The following DGKB variants were observed in gnomAD, a reference collection of about 807,000 sequenced individuals.
The protein encoded by DGKB is diacylglycerol kinase beta.
In DGKB, 67 loss-of-function variants were observed where a neutral mutation model predicts 114.3. The ratio of observed to expected loss-of-function variants is 0.59; its 90% confidence interval spans 0.48 to 0.72. The LOEUF is 0.72. Ranked by LOEUF, DGKB falls within the 30% of genes least tolerant of loss-of-function variation. The pLI is 0.00. For synonymous variants in DGKB, 398 were observed against 323.1 expected, an observed-to-expected ratio of 1.23 and a Z score of -2.49; for missense variants, 907 against 975.2, an observed-to-expected ratio of 0.93 and a Z score of 0.93.
chr7:14,197,604 T>C lies in DGKB; in HGVS notation c.2123-19453A>G, dbSNP rs369994867. On this transcript the variant is annotated intron_variant, in intron 23 of 25. Coordinates refer to ENST00000402815, the MANE Select transcript of DGKB (RefSeq NM_001350709.2). The stretch of plus-strand genomic sequence containing the variant: ...GGGGGTCATCTGCAGCAAACACTTG[T>C]AAAGGAAAATCGAATTTTAATGTGT... 2.0e-5 allele frequency among the ~76,000 whole-genome samples: 3 copies of C among 152,112 alleles called. No homozygotes were observed. The East Asian group carries it at 5.8e-4, about 29-fold the overall frequency.
chr7:14,814,417 C>G (rs1429267519), intron 2 of DGKB, among the ~76,000 whole-genome samples: 1 of 152,154 alleles, frequency 6.6e-6, no homozygotes, highest in Non-Finnish European at 1.5e-5. Flanking sequence ...CATTACCTCT[C>G]CCTTCTTGCT....
intron 6 of DGKB, among the ~76,000 whole-genome samples, chr7:14,709,803 C>G (rs1272184230): frequency 8.8e-6 from 1 of 114,148 alleles, no homozygotes; most frequent in African/African-American, 3.5e-5. Context: ...ATATCACACT[C>G]TGGGGACTGT....
At position 14,517,533 on chromosome 7, in the gene DGKB, G is replaced by T. The variant is rs1231328798; in HGVS notation, c.1771-39308C>A. Among the ~76,000 whole-genome samples the T allele has an allele frequency of 4.0e-5, 6 of 151,756 alleles. No individual in the cohort carries two copies. In the East Asian group the frequency reaches 1.2e-3, roughly 29 times the overall value. On this transcript the variant is annotated intron_variant, in intron 20 of 25. Transcript: ENST00000402815. ...ACTATCAATAGAGTAACAACCTACA[G>T]ATTGGAAAAAGCTTTTGTAAACTAT...
intron 23 of DGKB, 93 bp downstream of exon 23, chr7:14,338,422 T>C: frequency 1.5e-6 from 1 of 686,960 alleles, no homozygotes; most frequent in East Asian, 2.9e-5. Context: ...AATATATAAA[T>C]TATTATAGTG....
At chr7:14,397,687 TA>T (rs1414982524) in intron 21 of DGKB, among the ~76,000 whole-genome samples, 1 of 152,136 alleles carries the variant, frequency 6.6e-6, no homozygotes, top group Non-Finnish European at 1.5e-5. Context: ...TCCTTTTGAT[TA>T]CTTATTTTTC....
intron 1 of DGKB, among the ~76,000 whole-genome samples, chr7:14,901,970 T>C (rs559044360): frequency 2.8e-4 from 43 of 152,160 alleles, no homozygotes; most frequent in African/African-American, 8.9e-4. Flanking sequence ...GTTCAGCAAG[T>C]GGAGGAGATT....
intron 13 of DGKB, among the ~76,000 whole-genome samples, chr7:14,642,841 T>C (rs1812075173): frequency 6.6e-6 from 1 of 152,242 alleles, no homozygotes; most frequent in Non-Finnish European, 1.5e-5. Flanking sequence ...CATGAATACA[T>C]AATTTCCCAT....
intron 23 of DGKB, among the ~76,000 whole-genome samples, chr7:14,183,975 AGGAAGT>A (rs1783014393): frequency 6.6e-6 from 1 of 152,202 alleles, no homozygotes; most frequent in Non-Finnish European, 1.5e-5. Context: ...TGCCCAACTG[AGGAAGT>A]GGAAAAGGGA....
At chr7:14,957,645 T>G (rs1019022485) in intron 1 of DGKB, among the ~76,000 whole-genome samples, 7 of 152,096 alleles carry the variant, frequency 4.6e-5, no homozygotes, top group Non-Finnish European at 8.8e-5. Context: ...CTTTGTTAAC[T>G]GTTTCTATTT....
chr7:14,149,696 A>C (rs1327217225), intron 25 of DGKB, among the ~76,000 whole-genome samples: 1 of 152,158 alleles, frequency 6.6e-6, no homozygotes. Context: ...TTATCTTGCT[A>C]ATCAGATTGT....
At chr7:14,198,304 A>G (rs113700737) in intron 23 of DGKB, among the ~76,000 whole-genome samples, 70 of 152,240 alleles carry the variant, frequency 4.6e-4, no homozygotes, top group African/African-American at 1.6e-3. Context: ...TTGTCAAGGT[A>G]TGGGAACATC....
At chr7:14,457,636 T>C (rs995113035) in intron 21 of DGKB, among the ~76,000 whole-genome samples, 4 of 152,218 alleles carry the variant, frequency 2.6e-5, no homozygotes, top group African/African-American at 9.6e-5. Context: ...CTTTGACTTT[T>C]AGTTGGTCTG....
intron 22 of DGKB, among the ~76,000 whole-genome samples, chr7:14,344,027 G>C (rs1258637886): frequency 3.4e-5 from 5 of 147,072 alleles, no homozygotes; most frequent in Non-Finnish European, 7.5e-5. Flanking sequence ...TATAACTGTA[G>C]TACATATACA....
chr7:14,319,609 C>T (rs1807344698), intron 23 of DGKB, among the ~76,000 whole-genome samples: 1 of 152,010 alleles, frequency 6.6e-6, no homozygotes, highest in Non-Finnish European at 1.5e-5. Context: ...GATCCTGAGA[C>T]TAAAAGTTTG....
intron 1 of DGKB, among the ~76,000 whole-genome samples, chr7:14,926,363 G>A (rs1413536603): frequency 6.6e-6 from 1 of 151,782 alleles, no homozygotes; most frequent in African/African-American, 2.4e-5. Context: ...GATATATAAT[G>A]AGTCATTTTT....
intron 13 of DGKB, among the ~76,000 whole-genome samples, chr7:14,671,654 C>T (rs185816051): frequency 1.9e-4 from 29 of 152,182 alleles, no homozygotes; most frequent in African/African-American, 2.6e-4. Flanking sequence ...ACCCCAGGCT[C>T]ACTGAATTGA....
At chr7:14,949,167 TA>T (rs552380930) in intron 1 of DGKB, among the ~76,000 whole-genome samples, 4 of 151,696 alleles carry the variant, frequency 2.6e-5, no homozygotes, top group East Asian at 1.9e-4. Flanking sequence ...GAAACATTAA[TA>T]AAAAAATCTA....
intron 20 of DGKB, among the ~76,000 whole-genome samples, chr7:14,530,512 C>A (rs1183561582): frequency 6.6e-6 from 1 of 151,410 alleles, no homozygotes; most frequent in African/African-American, 2.4e-5. Context: ...AAAATTTATA[C>A]CTCCTTTATA....
At chr7:14,246,841 T>A (rs898593112) in intron 23 of DGKB, among the ~76,000 whole-genome samples, 3 of 152,148 alleles carry the variant, frequency 2.0e-5, no homozygotes, top group African/African-American at 7.2e-5. Flanking sequence ...CTCAGCAAAT[T>A]TGAAGTTTAC....
Sources: allele counts gnomAD v4.1 joint callset (sites outside exome capture counted in the v4.1 genomes callset), GRCh38; gene constraint gnomAD v4.1.1; transcripts MANE v1.5; gene names NCBI Gene and HGNC (gene_info 2026-07-23, HGNC 2026-07-21).